Variants in FSIP2 observed in about 807,000 individuals in gnomAD.
FSIP2 encodes the protein fibrous sheath interacting protein 2.
A neutral mutation model predicts 510.5 loss-of-function variants in FSIP2; 367 were observed. The observed-to-expected ratio is 0.72, with a 90% CI of 0.66 to 0.78. FSIP2 has a LOEUF of 0.78. FSIP2 is among the 30% of genes least tolerant of loss of function. FSIP2 has a pLI of 0.00. For synonymous variants in FSIP2, 2,601 were observed against 2,732.2 expected (o/e 0.95, Z 1.50); for missense variants, 7,594 against 7,901.7 (o/e 0.96, Z 1.48).
intron 12 of FSIP2, among the ~76,000 whole-genome samples, chr2:185,764,060 CA>C (rs1692409312): frequency 6.7e-6 from 1 of 148,634 alleles, no homozygotes; most frequent in Non-Finnish European, 1.5e-5. Context: ...TCATATTGGC[CA>C]AAATATTATA....
In FSIP2 at chr2:185,790,224, C is replaced by G; in HGVS notation, c.3088C>G (p.Gln1030Glu). 3 of 1,532,080 alleles carry G rather than the reference C, an allele frequency of 2.0e-6. No individual in the cohort carries two copies. Among genetic ancestry groups the G allele is most frequent in the Non-Finnish European group, 2.6e-6 (3 of 1,145,058 alleles). 94.9% of individuals were successfully genotyped at this position (1,532,080 alleles called of 1,614,324 possible). Residue 1030 changes from glutamine to glutamate, a missense_variant, in exon 16 of 23, where the codon CAG becomes GAG. Gln to Glu is a conservative substitution (Grantham distance 29). Coordinates refer to ENST00000424728, the MANE Select transcript of FSIP2 (RefSeq NM_173651.4). ...FKDEKVKSQEQIPNHWFTKGN... is the reference protein window; with the variant it reads ...FKDEKVKSQEEIPNHWFTKGN... The stretch of plus-strand genomic sequence containing the variant: ...AGATGAAAAAGTAAAATCACAAGAA[C>G]AGATTCCTAATCATTGGTTTACAAA...
intron 4 of FSIP2, chr2:185,744,974 GT>G (rs1303515170): frequency 6.6e-4 from 46 of 70,038 alleles, no homozygotes; most frequent in South Asian, 3.3e-3. Flanking sequence ...GTGTGTGTGT[GT>G]GGGGTGTGTG....
rs201762344 is a variant in FSIP2 at position 185,833,130 on chromosome 2, G to A, written c.20628G>A (p.Met6876Ile). 1 of 1,609,842 alleles carries A rather than the reference G, an allele frequency of 6.2e-7. No individual in the cohort carries two copies. The highest frequency in any genetic ancestry group is 8.5e-7 in the Non-Finnish European group (1 of 1,177,284). ...ATGTCTCCAAACAAGGATCTAAAATGCTGACAAAAATGTCTTCAACTTTGT... is the reference window on the plus strand; with the variant it reads ...ATGTCTCCAAACAAGGATCTAAAATACTGACAAAAATGTCTTCAACTTTGT... ...KPDVSKQGSK[M>I]LTKMSSTLSK... Residue 6876 changes from methionine to isoleucine, a missense_variant, in exon 23 of 23, where the codon ATG becomes ATA. Coordinates refer to ENST00000424728, the MANE Select transcript of FSIP2 (RefSeq NM_173651.4).
At chr2:185,820,214 GA>G (rs1452551508) in intron 19 of FSIP2, among the ~76,000 whole-genome samples, 2 of 151,870 alleles carry the variant, frequency 1.3e-5, no homozygotes, top group African/African-American at 4.8e-5. Context: ...GTTCTCATGA[GA>G]TCTGATTGTT....
intron 7 of FSIP2, among the ~76,000 whole-genome samples, chr2:185,751,089 T>G (rs1454503303): frequency 6.6e-6 from 1 of 151,616 alleles, no homozygotes; most frequent in Non-Finnish European, 1.5e-5. Flanking sequence ...ATAACTGTTC[T>G]CTAGATATCA....
At chr2:185,784,295 G>T (rs1434571116) in intron 14 of FSIP2, among the ~76,000 whole-genome samples, 1 of 152,100 alleles carries the variant, frequency 6.6e-6, no homozygotes, top group African/African-American at 2.4e-5. Context: ...AAGGTATAAG[G>T]AGTAACAGTG....
rs925545866 is a variant in FSIP2, at chr2:185,793,069, G to A, written c.5933G>A (p.Cys1978Tyr). The A allele has an allele frequency of 2.6e-6, 4 of 1,534,154 alleles. No homozygotes were observed. The highest frequency in any genetic ancestry group is 3.5e-6 in the Non-Finnish European group (4 of 1,145,652). Residue 1978 changes from cysteine (C) to tyrosine (Y), a missense_variant, in exon 16 of 23, where the codon TGT becomes TAT. Transcript: ENST00000424728. ...TCATATTCTGATGAGCAATTTTCCT[G>A]TTGCTCAGTAGATCATACCAAGTCA... is the stretch of plus-strand genomic sequence containing the variant. Reference protein sequence around the residue: ...KDSYSDEQFSCCSVDHTKSGK... With the variant: ...KDSYSDEQFSYCSVDHTKSGK...
At chr2:185,758,533 AAATGT>A (rs1400440937) in intron 9 of FSIP2, among the ~76,000 whole-genome samples, 2 of 151,324 alleles carry the variant, frequency 1.3e-5, no homozygotes, top group African/African-American at 2.4e-5. Flanking sequence ...TAGGAAGAGA[AAATGT>A]AATGTATTTA....
intron 2 of FSIP2, among the ~76,000 whole-genome samples, chr2:185,741,419 A>C (rs1322903672): frequency 6.6e-6 from 1 of 152,188 alleles, no homozygotes; most frequent in Admixed American, 6.5e-5. Flanking sequence ...TCTGGCTCAA[A>C]TGGGTGGATT....
chr2:185,824,227 T>C (rs1422192835), intron 19 of FSIP2, among the ~76,000 whole-genome samples: 2 of 151,812 alleles, frequency 1.3e-5, no homozygotes, highest in Non-Finnish European at 2.9e-5. Flanking sequence ...ATGGTTAAAA[T>C]TGTAAATTTA....
Position 185,791,325 on chromosome 2 carries a change from C to T in FSIP2, c.4189C>T (p.Pro1397Ser), listed in dbSNP as rs1415605934. 6.5e-7 allele frequency: 1 copy of T among 1,533,926 alleles called. No homozygotes were observed. Among genetic ancestry groups the T allele is most frequent in the Non-Finnish European group, 8.7e-7 (1 of 1,145,512 alleles). The change falls in exon 16 of 23, where the codon CCA (proline) becomes TCA (serine). Residue 1397 changes from proline (P) to serine (S), a missense_variant. Coordinates refer to ENST00000424728, the MANE Select transcript of FSIP2 (RefSeq NM_173651.4). Reference sequence around the variant, plus strand: ...CAGTGTTGATGTACAAAGCATTTTGCCAAATAGGCAAGATAAAAAATCTTT... The same window carrying T: ...CAGTGTTGATGTACAAAGCATTTTGTCAAATAGGCAAGATAAAAAATCTTT... ...TDSVDVQSIL[P>S]NRQDKKSFHK...
At chr2:185,749,857 C>T (rs1021014969) in intron 7 of FSIP2, among the ~76,000 whole-genome samples, 1 of 151,748 alleles carries the variant, frequency 6.6e-6, no homozygotes, top group African/African-American at 2.4e-5. Context: ...GTTTGCTGAA[C>T]ATTTCTATCA....
chr2:185,831,952 T>G, intron 22 of FSIP2, 70 bp downstream of exon 22: 3 of 905,224 alleles, frequency 3.3e-6, no homozygotes, highest in Non-Finnish European at 5.4e-6. Flanking sequence ...ATTTAGAATT[T>G]TTTATTACTT....
intron 19 of FSIP2, among the ~76,000 whole-genome samples, chr2:185,819,909 C>A (rs1361694241): frequency 6.6e-6 from 1 of 151,834 alleles, no homozygotes; most frequent in East Asian, 1.9e-4. Context: ...CATCTGCATG[C>A]ACCAAACATC....
At chr2:185,783,469 A>C (rs993536608) in intron 14 of FSIP2, among the ~76,000 whole-genome samples, 4 of 152,172 alleles carry the variant, frequency 2.6e-5, no homozygotes, top group Non-Finnish European at 5.9e-5. Context: ...TACAAACCCC[A>C]AATTCCTATG....
intron 13 of FSIP2, among the ~76,000 whole-genome samples, chr2:185,779,454 TAA>T (rs747621700): frequency 6.6e-6 from 1 of 152,110 alleles, no homozygotes; most frequent in African/African-American, 2.4e-5. Context: ...TGTATAGTGA[TAA>T]GTCTGGTTAA....
rs1293610718 is a variant in FSIP2 at position 185,800,518 on chromosome 2, A to G, written c.11212A>G (p.Ile3738Val). The change falls in exon 17 of 23, where the codon ATA becomes GTA. Residue 3738 changes from isoleucine to valine, a missense_variant. Ile to Val is a conservative substitution (Grantham distance 29, BLOSUM62 3). Transcript: ENST00000424728. The stretch of plus-strand genomic sequence containing the variant: ...CTCGAATAATGAGCAACCTAATAGC[A>G]TACTTACCAATAACCTACAGCTCTC... ...YSSNNEQPNS[I>V]LTNNLQLSSK... 1 of 1,531,558 alleles carries G rather than the reference A, an allele frequency of 6.5e-7. No homozygotes were observed. Among genetic ancestry groups the G allele is most frequent in the African/African-American group, 1.4e-5 (1 of 72,796 alleles). The allele number at this position is 1,531,558 out of a possible 1,614,324, so 94.9% of individuals were successfully genotyped here. A position where few individuals can be genotyped will look rare whatever the true frequency, so the allele number is the denominator to read the frequency against.
Position 185,806,423 on chromosome 2 carries a change from A to T in FSIP2, c.17117A>T (p.Asp5706Val), listed in dbSNP as rs1693579691. Residue 5706 changes from aspartate to valine, a missense_variant, in exon 17 of 23, where the codon GAC becomes GTC. Physicochemically the swap from Asp to Val is radical, Grantham distance 152 (BLOSUM62 -3). Transcript: ENST00000424728. ...EPAYYSKLSY[D>V]QSPPGDNVLN... ...GCATATTATTCGAAACTCAGTTATG[A>T]CCAAAGCCCCCCAGGTGATAATGTA... The T allele has an allele frequency of 4.3e-6, 7 of 1,612,164 alleles. No individual in the cohort carries two copies. Among genetic ancestry groups the T allele is most frequent in the Non-Finnish European group, 5.9e-6 (7 of 1,178,730 alleles).
chr2:185,760,210 A>T (rs1336817941), intron 9 of FSIP2, among the ~76,000 whole-genome samples: 1 of 150,306 alleles, frequency 6.7e-6, no homozygotes, highest in Non-Finnish European at 1.5e-5. Context: ...TTATGTTTTT[A>T]AAAAATTTTA....
Sources: gnomAD v4.1 joint callset for allele counts (sites outside exome capture counted in the v4.1 genomes callset) on GRCh38, gnomAD v4.1.1 for gene constraint, MANE v1.5 for transcripts, NCBI Gene and HGNC (gene_info 2026-07-23, HGNC 2026-07-21) for gene names.